GMPS: variants seen among roughly 807,000 people sequenced by gnomAD.
GMPS encodes guanosine monophosphate synthase, also known as GMP synthase [glutamine-hydrolyzing].
Under a neutral mutation model 77.9 loss-of-function variants are expected in GMPS, and 15 were observed. The observed-to-expected ratio is 0.19, with a 90% CI of 0.13 to 0.30. GMPS has a LOEUF of 0.30. Among genes scored for constraint, GMPS ranks in the 10% least tolerant of loss-of-function variants. GMPS has a pLI of 1.00. For synonymous variants in GMPS, 224 were observed against 275.9 expected, an observed-to-expected ratio of 0.81 and a Z score of 1.86; for missense variants, 590 against 838.8, an observed-to-expected ratio of 0.70 and a Z score of 3.66.
chr3:155,925,414 T>C (rs1305593552), intron 12 of GMPS, 48 bp downstream of exon 12: 4 of 1,438,436 alleles, frequency 2.8e-6, no homozygotes, highest in Non-Finnish European at 3.8e-6. Flanking sequence ...TTTTTTTTTT[T>C]CTTTTCTTGA....
intron 1 of GMPS, among the ~76,000 whole-genome samples, chr3:155,890,894 C>G (rs773476102): frequency 1.3e-5 from 2 of 152,162 alleles, no homozygotes; most frequent in Non-Finnish European, 2.9e-5. Context: ...GCATTTTCAT[C>G]TTTGTTGGCC....
intron 13 of GMPS, among the ~76,000 whole-genome samples, chr3:155,933,692 A>T (rs1755688357): frequency 6.6e-6 from 1 of 152,178 alleles, no homozygotes; most frequent in African/African-American, 2.4e-5. Context: ...CTTTACCATG[A>T]TAGTTTCCGG....
At position 155,941,402 on chromosome 3, in the gene GMPS, CAAAA is replaced by C. The variant is rs375351109; in HGVS notation, c.*3723_*3726del. 1.5e-4 allele frequency: 24 copies of C among 157,560 alleles called. No homozygotes were observed. The East Asian group carries it at 1.7e-3, about 11-fold the overall frequency. The allele number at this position is 157,560 out of a possible 1,614,324, so 9.8% of individuals were successfully genotyped here. ...CTGGTGAAAGAGCGAGACTCAGTCT[CAAAA>C]AAAAAAAAAAAAGGAAGTTCTTAGT... On this transcript the variant is annotated 3_prime_UTR_variant, in exon 16 of 16. Coordinates refer to ENST00000496455, the MANE Select transcript of GMPS (RefSeq NM_003875.3).
intron 1 of GMPS, among the ~76,000 whole-genome samples, chr3:155,884,788 G>C (rs904491147): frequency 6.6e-6 from 1 of 152,226 alleles, no homozygotes; most frequent in Non-Finnish European, 1.5e-5. Context: ...TAGGGTATGT[G>C]TATGGGGTTC....
chr3:155,882,363 G>T (rs1193555184), intron 1 of GMPS, among the ~76,000 whole-genome samples: 1 of 152,204 alleles, frequency 6.6e-6, no homozygotes, highest in Non-Finnish European at 1.5e-5. Flanking sequence ...ATCAACATGT[G>T]ACCAGTCTTT....
rs541282172 is a variant in GMPS at position 155,927,792 on chromosome 3, C to T, written c.1560+2426C>T. On this transcript the variant is annotated intron_variant, in intron 12 of 15. Coordinates refer to ENST00000496455, the MANE Select transcript of GMPS (RefSeq NM_003875.3). ...AATAAAAGAGGGGATTTGGGGTACA[C>T]ATTGTCAACTTTTTTCTTTTAACTG... Among the ~76,000 whole-genome samples, 27 of 152,252 alleles carry T rather than the reference C, an allele frequency of 1.8e-4. No individual in the cohort carries two copies. The South Asian group carries it at 5.6e-3, about 31-fold the overall frequency.
chr3:155,906,344 CTT>C (rs1754881636), intron 5 of GMPS, 81 bp downstream of exon 5: 2 of 689,612 alleles, frequency 2.9e-6, no homozygotes, highest in Non-Finnish European at 5.0e-6. Flanking sequence ...ATGAGGTACT[CTT>C]TGATTTTTCC....
intron 1 of GMPS, among the ~76,000 whole-genome samples, chr3:155,889,900 TAGA>T (rs1754422877): frequency 2.6e-5 from 4 of 152,232 alleles, no homozygotes; most frequent in Non-Finnish European, 1.5e-5. Flanking sequence ...TTTATGTAAA[TAGA>T]TATGGTAGAT....
chr3:155,931,914 G>A (rs1168854733), intron 13 of GMPS, 34 bp downstream of exon 13: 2 of 923,140 alleles, frequency 2.2e-6, no homozygotes, highest in Non-Finnish European at 3.6e-6. Flanking sequence ...GGGGGCTTGT[G>A]TAATGGAAGG....
intron 10 of GMPS, among the ~76,000 whole-genome samples, chr3:155,920,719 A>G (rs1038861661): frequency 2.1e-4 from 32 of 151,996 alleles, no homozygotes; most frequent in Admixed American, 6.6e-5. Flanking sequence ...TGAGTTTTCT[A>G]TTATGTAAGA....
At chr3:155,929,938 C>A (rs1225624524) in intron 12 of GMPS, among the ~76,000 whole-genome samples, 1 of 144,614 alleles carries the variant, frequency 6.9e-6, no homozygotes, top group African/African-American at 2.5e-5. Context: ...GGCCATACTG[C>A]CCAAGGTAAT....
Position 155,938,562 on chromosome 3 carries a change from C to T in GMPS, c.*870C>T. On this transcript the variant is annotated 3_prime_UTR_variant, in exon 16 of 16. Coordinates refer to ENST00000496455, the MANE Select transcript of GMPS (RefSeq NM_003875.3). ...AGGAGCATTTTCATCTCTTCTTTTG[C>T]TGGTCAGAGAAACGGTTCTGAGATC... is the stretch of plus-strand genomic sequence containing the variant. 1 of 205,492 alleles carries T rather than the reference C, an allele frequency of 4.9e-6. No homozygotes were observed. Among genetic ancestry groups the T allele is most frequent in the Non-Finnish European group, 1.0e-5 (1 of 100,372 alleles). The allele number at this position is 205,492 out of a possible 1,614,324, so 12.7% of individuals were successfully genotyped here. A position where few individuals can be genotyped will look rare whatever the true frequency, so the allele number is the denominator to read the frequency against.
In GMPS at chr3:155,943,269, G is replaced by C. The variant is rs1472215777; in HGVS notation, c.*5577G>C. The C allele has an allele frequency of 5.5e-6, 1 of 180,360 alleles. No homozygotes were observed. The highest frequency in any genetic ancestry group is 1.2e-5 in the Non-Finnish European group (1 of 84,326). The allele number at this position is 180,360 out of a possible 1,614,324, so 11.2% of individuals were successfully genotyped here. On this transcript the variant is annotated 3_prime_UTR_variant, in exon 16 of 16. Transcript: ENST00000496455. ...ACATATTTGTTCACTTTTGAACCCT[G>C]TGGTGTCTTTTAACTTTGTTAAGGG...
At chr3:155,880,500 T>C (rs1469215837) in intron 1 of GMPS, among the ~76,000 whole-genome samples, 3 of 152,244 alleles carry the variant, frequency 2.0e-5, no homozygotes, top group Admixed American at 6.5e-5. Context: ...TGCTTGTTTT[T>C]ATTGTGGTAA....
chr3:155,901,876 G>C (rs751469196), intron 3 of GMPS, among the ~76,000 whole-genome samples: 42 of 152,058 alleles, frequency 2.8e-4, no homozygotes, highest in Non-Finnish European at 4.4e-4. Context: ...ATATATTGCA[G>C]ATACCTTCTG....
chr3:155,910,630 G>T, intron 5 of GMPS, 62 bp from the exon 6 acceptor site: 1 of 744,796 alleles, frequency 1.3e-6, no homozygotes, highest in Non-Finnish European at 2.1e-6. Flanking sequence ...ATTAATTGTG[G>T]TTATTGCTTG....
intron 14 of GMPS, 34 bp downstream of exon 14, chr3:155,935,080 G>A: frequency 6.6e-7 from 1 of 1,524,904 alleles, no homozygotes; most frequent in East Asian, 2.2e-5. Context: ...ACTACCCTCT[G>A]AAACTAGTTT....
At chr3:155,879,078 C>G (rs62286800) in intron 1 of GMPS, among the ~76,000 whole-genome samples, 1 of 152,044 alleles carries the variant, frequency 6.6e-6, no homozygotes, top group African/African-American at 2.4e-5. Flanking sequence ...ATAATGCCTG[C>G]TCACATTGGA....
At chr3:155,903,670 A>T (rs1473300224) in intron 3 of GMPS, among the ~76,000 whole-genome samples, 193 bp from the exon 4 acceptor site, 2 of 152,238 alleles carry the variant, frequency 1.3e-5, no homozygotes, top group Non-Finnish European at 2.9e-5. Flanking sequence ...TTGTTTTATA[A>T]CAATGCCTGT....
Sources: gnomAD v4.1 joint callset for allele counts (sites outside exome capture counted in the v4.1 genomes callset) on GRCh38, gnomAD v4.1.1 for gene constraint, MANE v1.5 for transcripts, NCBI Gene and HGNC (gene_info 2026-07-23, HGNC 2026-07-21) for gene names.